SLC3A1: variants seen among roughly 807,000 people sequenced by gnomAD.
SLC3A1 encodes the protein amino acid transporter heavy chain SLC3A1.
Under a neutral mutation model 60.3 loss-of-function variants are expected in SLC3A1, and 78 were observed. That is an observed-to-expected ratio of 1.29 (90% CI 1.08 to 1.56). The LOEUF (loss-of-function observed/expected upper bound fraction) is 1.56, where lower values mean the gene tolerates loss of function less well. Ranked by LOEUF, SLC3A1 falls within the 40% of genes most tolerant of loss-of-function variation. SLC3A1 has a pLI of 0.00. For missense variants in SLC3A1, 1,172 were observed against 858.9 expected, an observed-to-expected ratio of 1.36 and a Z score of -4.56; for synonymous variants, 392 against 307.9, an observed-to-expected ratio of 1.27 and a Z score of -2.86.
chr2:44,296,100 C>G (rs1230256146), intron 4 of SLC3A1, among the ~76,000 whole-genome samples: 1 of 152,118 alleles, frequency 6.6e-6, no homozygotes, highest in Non-Finnish European at 1.5e-5. Context: ...CCACTGAAAA[C>G]CTGTTCTAGA....
At chr2:44,289,112 G>T (rs1302582293) in intron 4 of SLC3A1, among the ~76,000 whole-genome samples, 1 of 151,942 alleles carries the variant, frequency 6.6e-6, no homozygotes, top group African/African-American at 2.4e-5. Flanking sequence ...TGGGATTACA[G>T]GTGTGAGCCA....
chr2:44,298,072 C>T (rs1028077256), intron 4 of SLC3A1, among the ~76,000 whole-genome samples: 1 of 152,148 alleles, frequency 6.6e-6, no homozygotes, highest in Non-Finnish European at 1.5e-5. Context: ...CATAAGTTTT[C>T]ATTTCTCTCG....
intron 7 of SLC3A1, among the ~76,000 whole-genome samples, chr2:44,311,776 G>A (rs897960825): frequency 2.7e-5 from 4 of 149,950 alleles, no homozygotes; most frequent in African/African-American, 9.8e-5. Context: ...ATTAAGTCTT[G>A]TCCTAAGACT....
At chr2:44,307,306 A>G (rs908130425) in intron 7 of SLC3A1, among the ~76,000 whole-genome samples, 1 of 152,214 alleles carries the variant, frequency 6.6e-6, no homozygotes, top group Non-Finnish European at 1.5e-5. Flanking sequence ...ACATTTGTGT[A>G]CAAGTTTTTA....
In SLC3A1 at chr2:44,320,531, C is replaced by A. The variant is rs1386370640; in HGVS notation, c.1950C>A (p.His650Gln). The change falls in exon 10 of 10, where the codon CAC becomes CAA. Residue 650 changes from histidine (H) to glutamine (Q), a missense_variant. Coordinates refer to ENST00000260649, the MANE Select transcript of SLC3A1 (RefSeq NM_000341.4). ...AGGGAGAGGGACTCATCTTTGAACA[C>A]AACACGAAGAATCTCCTTCATCGCC... is the stretch of plus-strand genomic sequence containing the variant. Reference protein sequence around the residue: ...LDKGEGLIFEHNTKNLLHRQT... With the variant: ...LDKGEGLIFEQNTKNLLHRQT... 6.2e-7 allele frequency: 1 copy of A among 1,613,942 alleles called. No individual in the cohort carries two copies. Among genetic ancestry groups the A allele is most frequent in the African/African-American group, 1.3e-5 (1 of 74,926 alleles).
At chr2:44,308,728 A>G (rs1672217629) in intron 7 of SLC3A1, among the ~76,000 whole-genome samples, 1 of 151,106 alleles carries the variant, frequency 6.6e-6, no homozygotes, top group Non-Finnish European at 1.5e-5. Context: ...TGAATTCCTG[A>G]AGAATTTTTT....
intron 3 of SLC3A1, 32 bp from the exon 4 acceptor site, chr2:44,286,000 G>A (rs914907128): frequency 1.9e-6 from 3 of 1,613,616 alleles, no homozygotes; most frequent in African/African-American, 2.7e-5. Flanking sequence ...ACCATTATAG[G>A]TCACTGATGT....
chr2:44,285,874 G>A, intron 3 of SLC3A1, 158 bp from the exon 4 acceptor site: 1 of 872,864 alleles, frequency 1.1e-6, no homozygotes, highest in Non-Finnish European at 1.9e-6. Flanking sequence ...TGGGGTGGGG[G>A]GTATTTGGAA....
chr2:44,282,196 C>T (rs980249154), intron 3 of SLC3A1, among the ~76,000 whole-genome samples: 1 of 152,130 alleles, frequency 6.6e-6, no homozygotes, highest in South Asian at 2.1e-4. Flanking sequence ...GACTTTTTGT[C>T]TCCTCTGTCT....
chr2:44,307,988 T>G (rs749151757), intron 7 of SLC3A1, among the ~76,000 whole-genome samples: 2 of 152,098 alleles, frequency 1.3e-5, no homozygotes, highest in African/African-American at 2.4e-5. Flanking sequence ...AATCAACTGA[T>G]TGTAGGCTGG....
At chr2:44,284,029 C>G (rs1671556517) in intron 3 of SLC3A1, among the ~76,000 whole-genome samples, 1 of 151,750 alleles carries the variant, frequency 6.6e-6, no homozygotes, top group Non-Finnish European at 1.5e-5. Context: ...TTATTATGAA[C>G]AATGTTACTA....
At chr2:44,281,363 T>C (rs756422219) in intron 2 of SLC3A1, 24 bp from the exon 3 acceptor site, 7 of 1,594,604 alleles carry the variant, frequency 4.4e-6, no homozygotes, top group Non-Finnish European at 2.6e-6. Context: ...TTCCCTAGCA[T>C]TTGAAATGTC....
intron 4 of SLC3A1, 60 bp from the exon 5 acceptor site, chr2:44,299,911 T>A (rs1203163934): frequency 1.3e-6 from 2 of 1,581,292 alleles, no homozygotes; most frequent in African/African-American, 2.7e-5. Context: ...AAAACTTTGA[T>A]TAAACGTTGT....
At chr2:44,302,954 T>C (rs1236478892) in intron 6 of SLC3A1, among the ~76,000 whole-genome samples, 1 of 151,998 alleles carries the variant, frequency 6.6e-6, no homozygotes, top group African/African-American at 2.4e-5. Flanking sequence ...ATCCCAATAG[T>C]TTGGGAGGCC....
downstream of SLC3A1, chr2:44,321,539 C>T (rs138402468): frequency 4.6e-4 from 699 of 1,524,630 alleles, 3 homozygotes; most frequent in African/African-American, 8.5e-3. Context: ...TTTACCTAAC[C>T]GTGAAGTCAG....
In SLC3A1 at chr2:44,320,605, C is replaced by G; in HGVS notation, c.2024C>G (p.Ser675Cys). ...RCFVSNRACY[S>C]SVLNILYTSC is the part of the protein sequence containing the mutation. ...TTTGTTTCCAATCGAGCATGCTATT[C>G]CAGTGTACTGAACATACTGTATACC... is the stretch of plus-strand genomic sequence containing the variant. The change falls in exon 10 of 10, where the codon TCC (serine) becomes TGC (cysteine). Residue 675 changes from serine (S) to cysteine (C), a missense_variant. Coordinates refer to ENST00000260649, the MANE Select transcript of SLC3A1 (RefSeq NM_000341.4). 2 of 1,613,954 alleles carry G rather than the reference C, an allele frequency of 1.2e-6. No homozygotes were observed. Among genetic ancestry groups the G allele is most frequent in the Non-Finnish European group, 1.7e-6 (2 of 1,179,908 alleles).
intron 6 of SLC3A1, chr2:44,303,889 GTCCCTGCAAA>G: frequency 5.1e-6 from 3 of 593,768 alleles, no homozygotes; most frequent in Non-Finnish European, 9.0e-6. Context: ...CTTCATCCAT[GTCCCTGCAAA>G]GGACATGGAC....
intron 7 of SLC3A1, among the ~76,000 whole-genome samples, chr2:44,305,760 C>T (rs1008178992): frequency 3.9e-5 from 6 of 151,978 alleles, no homozygotes; most frequent in Non-Finnish European, 5.9e-5. Context: ...TAAATGTAAA[C>T]TCTAAAATGC....
chr2:44,314,981 G>C (rs1483005410), intron 9 of SLC3A1: 1 of 125,784 alleles, frequency 8.0e-6, no homozygotes. Context: ...GCCCGGGCTA[G>C]AGTGCAATGG....
Sources: allele counts gnomAD v4.1 joint callset (sites outside exome capture counted in the v4.1 genomes callset), GRCh38; gene constraint gnomAD v4.1.1; transcripts MANE v1.5; gene names NCBI Gene and HGNC (gene_info 2026-07-23, HGNC 2026-07-21).